CD86: variants seen among roughly 807,000 people sequenced by gnomAD.
CD86 encodes the protein T-lymphocyte activation antigen CD86.
A neutral mutation model predicts 32.1 loss-of-function variants in CD86; 11 were observed. The ratio of observed to expected loss-of-function variants is 0.34; its 90% CI spans 0.22 to 0.57. CD86 has a LOEUF of 0.57. Ranked by LOEUF, CD86 falls within the 20% of genes least tolerant of loss-of-function variation. The pLI is 0.86. For synonymous variants in CD86, 137 were observed against 135.3 expected (o/e 1.01, Z -0.09); for missense variants, 359 against 398.4 (o/e 0.90, Z 0.84).
At position 122,119,578 on chromosome 3, in the gene CD86, T is replaced by G; in HGVS notation, c.*44T>G. The stretch of plus-strand genomic sequence containing the variant: ...ACAAGTATTCATTTTTTCTACCCTT[T>G]CCTTTGTAAGTTCCTGGGCAACCTT... On this transcript the variant is annotated 3_prime_UTR_variant, in exon 7 of 7. Transcript: ENST00000330540. 1 of 1,259,232 alleles carries G rather than the reference T, an allele frequency of 7.9e-7. No homozygotes were observed. The highest frequency in any genetic ancestry group is 1.2e-6 in the Non-Finnish European group (1 of 867,128). The allele number at this position is 1,259,232 out of a possible 1,614,324, so 78.0% of individuals were successfully genotyped here. A position where few individuals can be genotyped will look rare whatever the true frequency, so the allele number is the denominator to read the frequency against.
At position 122,106,481 on chromosome 3, in the gene CD86, A is replaced by G. The variant is rs2073094084; in HGVS notation, c.684A>G (p.Leu228=). 2 of 1,609,256 alleles carry G rather than the reference A, an allele frequency of 1.2e-6. No individual in the cohort carries two copies. Among genetic ancestry groups the G allele is most frequent in the African/African-American group, 1.3e-5 (1 of 74,850 alleles). ...CILETDKTRL[L]SSPFSIELED... The stretch of plus-strand genomic sequence containing the variant: ...TGGAAACTGACAAGACGCGGCTTTT[A>G]TCTTCACCTTTCTCTATAGGTAAAG... The change falls in exon 4 of 7, where the codon TTA becomes TTG. Residue 228 remains leucine (L), a synonymous_variant. Coordinates refer to ENST00000330540, the MANE Select transcript of CD86 (RefSeq NM_175862.5).
At chr3:122,119,034 G>A (rs1056998519) in intron 6 of CD86, among the ~76,000 whole-genome samples, 3 of 152,126 alleles carry the variant, frequency 2.0e-5, no homozygotes, top group East Asian at 1.9e-4. Flanking sequence ...AGAGACAACC[G>A]AGAGTACCCA....
chr3:122,073,316 C>G (rs2072514994), intron 1 of CD86, among the ~76,000 whole-genome samples: 1 of 151,848 alleles, frequency 6.6e-6, no homozygotes, highest in Non-Finnish European at 1.5e-5. Context: ...CGTGTACCTT[C>G]TTTGGTGAGG....
chr3:122,113,517 T>A (rs2073205234), intron 5 of CD86, among the ~76,000 whole-genome samples: 1 of 152,218 alleles, frequency 6.6e-6, no homozygotes, highest in African/African-American at 2.4e-5. Flanking sequence ...CCAACATCTA[T>A]TATTTTTTGA....
At chr3:122,117,613 T>C (rs2073274724) in intron 5 of CD86, among the ~76,000 whole-genome samples, 1 of 152,252 alleles carries the variant, frequency 6.6e-6, no homozygotes, top group Admixed American at 6.5e-5. Flanking sequence ...TGCAACATTG[T>C]GTAATATTCT....
chr3:122,060,616 C>G (rs1462014486), intron 1 of CD86, among the ~76,000 whole-genome samples: 1 of 151,546 alleles, frequency 6.6e-6, no homozygotes, highest in Non-Finnish European at 1.5e-5. Context: ...AGCGAGACTC[C>G]CATTCCTAAA....
intron 1 of CD86, among the ~76,000 whole-genome samples, chr3:122,065,145 A>G (rs745388176): frequency 5.3e-5 from 8 of 152,196 alleles, no homozygotes; most frequent in Non-Finnish European, 7.4e-5. Flanking sequence ...CAGGATTCCA[A>G]ATGCCAGTCT....
rs115874305 is a variant in CD86, at chr3:122,068,859, G to A, written c.14+13356G>A. On this transcript the variant is annotated intron_variant, in intron 1 of 6. Coordinates refer to ENST00000330540, the MANE Select transcript of CD86 (RefSeq NM_175862.5). The stretch of plus-strand genomic sequence containing the variant: ...GAAAGGAAGTTAAATCACTTAGACC[G>A]TCCTTCCCCCAGGAAGTCCTCTCTA... Among the ~76,000 whole-genome samples the A allele has an allele frequency of 1.4e-3, 218 of 152,180 alleles. 1 individual carries two copies. The highest frequency in any genetic ancestry group is 3.4e-3 in the Middle Eastern group (1 of 294).
intron 4 of CD86, among the ~76,000 whole-genome samples, chr3:122,107,766 A>G (rs903390417): frequency 2.6e-5 from 4 of 152,152 alleles, no homozygotes; most frequent in Non-Finnish European, 5.9e-5. Context: ...CTTGTTGTTC[A>G]GATATAACTT....
At chr3:122,074,860 GT>G (rs1430969527) in intron 1 of CD86, among the ~76,000 whole-genome samples, 1 of 152,116 alleles carries the variant, frequency 6.6e-6, no homozygotes, top group Non-Finnish European at 1.5e-5. Flanking sequence ...ACAGAAAGCA[GT>G]TTCTGAAGTA....
intron 1 of CD86, among the ~76,000 whole-genome samples, chr3:122,085,713 G>C (rs1479700362): frequency 6.6e-6 from 1 of 152,206 alleles, no homozygotes; most frequent in Non-Finnish European, 1.5e-5. Context: ...AATGGGGTGG[G>C]ACAGCGGAAT....
intron 2 of CD86, among the ~76,000 whole-genome samples, chr3:122,102,204 A>G (rs1321049728): frequency 6.6e-6 from 1 of 152,020 alleles, no homozygotes; most frequent in African/African-American, 2.4e-5. Flanking sequence ...AACTCTTCAA[A>G]TGAAGCTCCT....
intron 1 of CD86, among the ~76,000 whole-genome samples, chr3:122,062,559 C>A (rs369611580): frequency 5.9e-5 from 9 of 152,024 alleles, no homozygotes; most frequent in South Asian, 4.1e-4. Context: ...CAGGGTGTGA[C>A]GTTTCATAGG....
At chr3:122,066,141 G>C (rs1241049072) in intron 1 of CD86, among the ~76,000 whole-genome samples, 4 of 152,138 alleles carry the variant, frequency 2.6e-5, no homozygotes, top group Non-Finnish European at 4.4e-5. Context: ...CATTGGCTGA[G>C]GGTCCCAGTC....
In CD86 at chr3:122,104,395, C is replaced by G. The variant is rs562025068; in HGVS notation, c.400+548C>G. ...AAAAAAACCCAACAAACATAACCCA[C>G]AAACTTACAAACCAGCTCCTCTGCT... On this transcript the variant is annotated intron_variant, in intron 3 of 6. Transcript: ENST00000330540. Among the ~76,000 whole-genome samples, 3 of 152,316 alleles carry G rather than the reference C, an allele frequency of 2.0e-5. No homozygotes were observed. The South Asian group carries it at 6.2e-4, about 32-fold the overall frequency.
intron 2 of CD86, among the ~76,000 whole-genome samples, chr3:122,094,313 C>T (rs2107529211): frequency 6.6e-6 from 1 of 152,316 alleles, no homozygotes; most frequent in Non-Finnish European, 1.5e-5. Context: ...TTGCCATTGA[C>T]ACTTCTTAGA....
chr3:122,087,567 C>CATGAAAGAAAA (rs1347923913), intron 1 of CD86, among the ~76,000 whole-genome samples: 2 of 152,170 alleles, frequency 1.3e-5, no homozygotes, highest in African/African-American at 4.8e-5. Flanking sequence ...ACTTGTACTT[C>CATGAAAGAAAA]ATGAAAGAAA....
intron 1 of CD86, among the ~76,000 whole-genome samples, chr3:122,071,424 A>G (rs2072487281): frequency 6.6e-6 from 1 of 152,200 alleles, no homozygotes; most frequent in Admixed American, 6.5e-5. Context: ...AGCAATATGA[A>G]TTTAAGTTTT....
chr3:122,103,099 G>A (rs2073036007), intron 2 of CD86, among the ~76,000 whole-genome samples: 1 of 151,920 alleles, frequency 6.6e-6, no homozygotes, highest in South Asian at 2.1e-4. Flanking sequence ...TATGGAACCT[G>A]TAACAGCTAC....
Sources: gnomAD v4.1 joint callset for allele counts (sites outside exome capture counted in the v4.1 genomes callset) on GRCh38, gnomAD v4.1.1 for gene constraint, MANE v1.5 for transcripts, NCBI Gene and HGNC (gene_info 2026-07-23, HGNC 2026-07-21) for gene names.